Variants in IKZF5 observed in about 807,000 individuals in gnomAD.
The protein encoded by IKZF5 is zinc finger protein Pegasus.
IKZF5 carries 4 observed loss-of-function variants against 30.7 expected under a neutral mutation model. The observed-to-expected ratio is 0.13, with a 90% confidence interval of 0.06 to 0.30. The LOEUF is 0.30. Ranked by LOEUF, IKZF5 falls within the 10% of genes least tolerant of loss-of-function variation. The pLI is 1.00. For missense variants in IKZF5, 348 were observed against 525.5 expected, an observed-to-expected ratio of 0.66 and a Z score of 3.30; for synonymous variants, 148 against 179.6, an observed-to-expected ratio of 0.82 and a Z score of 1.41.
rs908881621 is a variant in IKZF5 at position 122,991,061 on chromosome 10, A to T, written c.*2719T>A. On this transcript the variant is annotated 3_prime_UTR_variant, in exon 5 of 5. Transcript: ENST00000368886. ...ATGAAAACGTCTTTAGCAGGGAATT[A>T]AAAAAAAATTAACATTCATTTGATA... 1.3e-5 allele frequency: 2 copies of T among 151,312 alleles called. No homozygotes were observed. Among genetic ancestry groups the T allele is most frequent in the East Asian group, 1.9e-4 (1 of 5,184 alleles). 9.4% of individuals were successfully genotyped at this position (151,312 alleles called of 1,614,324 possible). A position where few individuals can be genotyped will look rare whatever the true frequency, so the allele number is the denominator to read the frequency against.
chr10:122,994,782 T>C lies in IKZF5; in HGVS notation c.317-59A>G. The C allele has an allele frequency of 7.2e-7, 1 of 1,382,436 alleles. No homozygotes were observed. Among genetic ancestry groups the C allele is most frequent in the Non-Finnish European group, 9.9e-7 (1 of 1,013,434 alleles). The allele number at this position is 1,382,436 out of a possible 1,614,324, so 85.6% of individuals were successfully genotyped here. ...AGAGTAGTTCATTTATGGAAAGTTT[T>C]GCTTGTCCATTCATTGGACAACTGG... is the stretch of plus-strand genomic sequence containing the variant. On this transcript the variant is annotated intron_variant, in intron 4 of 4. Transcript: ENST00000368886. The surrounding 1 kb of genome is among the most constrained non-coding windows in gnomAD (Gnocchi z 5.6).
At chr10:122,995,866 A>G in intron 4 of IKZF5, 128 bp downstream of exon 4, 2 of 848,996 alleles carry the variant, frequency 2.4e-6, no homozygotes, top group Non-Finnish European at 3.6e-6. Context: ...TAACTTTCCC[A>G]TTTATTCGAA....
chr10:122,999,508 C>T (rs1849507469), intron 2 of IKZF5, among the ~76,000 whole-genome samples: 3 of 152,160 alleles, frequency 2.0e-5, no homozygotes, highest in Admixed American at 6.5e-5. Context: ...AACTGTGTCA[C>T]GGTAAGAAGC....
chr10:122,991,457 A>G lies in IKZF5; in HGVS notation c.*2323T>C, dbSNP rs561659510. On this transcript the variant is annotated 3_prime_UTR_variant, in exon 5 of 5. Coordinates refer to ENST00000368886, the MANE Select transcript of IKZF5 (RefSeq NM_001372123.1). Reference sequence around the variant, plus strand: ...AACGGCAAAGTACTATAAATAGTGCATGTTAAACTCTTCCCAACAACTCAT... The same window carrying G: ...AACGGCAAAGTACTATAAATAGTGCGTGTTAAACTCTTCCCAACAACTCAT... 2 of 152,358 alleles carry G rather than the reference A, an allele frequency of 1.3e-5. No individual in the cohort carries two copies. Among genetic ancestry groups the G allele is most frequent in the South Asian group, 2.1e-4 (1 of 4,834 alleles). The allele number at this position is 152,358 out of a possible 1,614,324, so 9.4% of individuals were successfully genotyped here. A position where few individuals can be genotyped will look rare whatever the true frequency, so the allele number is the denominator to read the frequency against.
intron 1 of IKZF5, among the ~76,000 whole-genome samples, chr10:123,008,348 G>C (rs928950787): frequency 6.6e-6 from 1 of 152,110 alleles, no homozygotes. Flanking sequence ...CTGGGACCCC[G>C]TGAAGACGCA....
intron 1 of IKZF5, 45 bp downstream of exon 1, chr10:123,008,649 G>C: frequency 2.6e-6 from 1 of 378,926 alleles, no homozygotes; most frequent in South Asian, 2.3e-5. Context: ...TATCCGCCCT[G>C]TCCTGCCGCG....
At chr10:122,996,400 T>C (rs910302084) in intron 3 of IKZF5, among the ~76,000 whole-genome samples, 2 of 152,044 alleles carry the variant, frequency 1.3e-5, no homozygotes, top group Non-Finnish European at 2.9e-5. Flanking sequence ...TCTCAAATTA[T>C]TTACACAAGG....
chr10:122,991,603 T>A lies in IKZF5; in HGVS notation c.*2177A>T, dbSNP rs1241396865. Reference sequence around the variant, plus strand: ...AAATTTAAATAAAATCTAAATATTTTAAAAAATACCATACCAAAAAAGCCT... The same window carrying A: ...AAATTTAAATAAAATCTAAATATTTAAAAAAATACCATACCAAAAAAGCCT... On this transcript the variant is annotated 3_prime_UTR_variant, in exon 5 of 5. Transcript: ENST00000368886. The A allele has an allele frequency of 3.9e-5, 6 of 152,288 alleles. No individual in the cohort carries two copies. In the East Asian group the frequency reaches 5.8e-4, roughly 15 times the overall value. The allele number at this position is 152,288 out of a possible 1,614,324, so 9.4% of individuals were successfully genotyped here.
At chr10:123,003,022 A>G (rs1343235588) in intron 2 of IKZF5, among the ~76,000 whole-genome samples, 4 of 150,246 alleles carry the variant, frequency 2.7e-5, no homozygotes, top group Non-Finnish European at 5.9e-5. Context: ...ACACGTACAG[A>G]CTTTTTCTTT....
At chr10:123,005,462 T>C (rs1289164686) in intron 2 of IKZF5, among the ~76,000 whole-genome samples, 1 of 152,240 alleles carries the variant, frequency 6.6e-6, no homozygotes, top group African/African-American at 2.4e-5. Flanking sequence ...AAAATTTCAA[T>C]GTATGATATC....
intron 2 of IKZF5, among the ~76,000 whole-genome samples, chr10:123,006,820 T>C (rs1238920785): frequency 1.3e-5 from 2 of 152,168 alleles, no homozygotes; most frequent in East Asian, 1.9e-4. Flanking sequence ...ACAGACAACG[T>C]TGACAAATAA....
chr10:123,000,968 G>A (rs1849559363), intron 2 of IKZF5, among the ~76,000 whole-genome samples: 1 of 64,622 alleles, frequency 1.5e-5, no homozygotes, highest in South Asian at 4.2e-4. Flanking sequence ...TGCATCTTAA[G>A]TATCTCCCAC....
chr10:122,998,791 T>C (rs1045924299), intron 2 of IKZF5, 120 bp from the exon 3 acceptor site: 6 of 434,364 alleles, frequency 1.4e-5, no homozygotes, highest in African/African-American at 1.2e-4. Context: ...TTCAGCATCT[T>C]ATAATCTTAC....
chr10:122,994,031 G>A lies in IKZF5; in HGVS notation c.1009C>T (p.His337Tyr). ...TTTCCTATGCTGGGAGTGCTCGTGT[G>A]GGCACTTGGCTCACTGCTTGGACCT... is the stretch of plus-strand genomic sequence containing the variant. ...VAGPSSEPSA[H>Y]TSTPSIGNSQ... The change falls in exon 5 of 5, where the codon CAC becomes TAC. Residue 337 changes from histidine to tyrosine, a missense_variant. Transcript: ENST00000368886. The surrounding 1 kb of genome is among the most constrained non-coding windows in gnomAD (Gnocchi z 5.6). 2.5e-6 allele frequency: 4 copies of A among 1,614,114 alleles called. No homozygotes were observed. Among genetic ancestry groups the A allele is most frequent in the Non-Finnish European group, 2.5e-6 (3 of 1,180,022 alleles).
chr10:123,003,974 G>GT lies in IKZF5; in HGVS notation c.-47+3051dup, dbSNP rs539624032. On this transcript the variant is annotated intron_variant, in intron 2 of 4. Coordinates refer to ENST00000368886, the MANE Select transcript of IKZF5 (RefSeq NM_001372123.1). ...GCTTTTGAACACATTTGTTTCCGTT[G>GT]TTTTTTTCCCCATCTTATCATGTTT... 1.9e-3 allele frequency among the ~76,000 whole-genome samples: 295 copies of GT among 152,056 alleles called. 2 individuals carry two copies. Among genetic ancestry groups the GT allele is most frequent in the African/African-American group, 6.9e-3 (286 of 41,484 alleles).
In IKZF5 at chr10:123,008,455, G is replaced by A. The variant is rs533113823; in HGVS notation, c.-198+239C>T. The stretch of plus-strand genomic sequence containing the variant: ...TCCTGCTCGAAGGCAATGACAGCAG[G>A]AGACCCCGCTCCCTCGGGGTTCTCG... On this transcript the variant is annotated intron_variant, in intron 1 of 4. Transcript: ENST00000368886. 19 of 160,434 alleles carry A rather than the reference G, an allele frequency of 1.2e-4. 1 individual carries two copies. The South Asian group carries it at 2.6e-3, about 22-fold the overall frequency. The allele number at this position is 160,434 out of a possible 1,614,324, so 9.9% of individuals were successfully genotyped here.
chr10:122,999,076 C>G (rs1849492496), intron 2 of IKZF5, among the ~76,000 whole-genome samples: 1 of 152,098 alleles, frequency 6.6e-6, no homozygotes, highest in Non-Finnish European at 1.5e-5. Flanking sequence ...TGCTGATGGT[C>G]CCAGCTACTC....
chr10:122,993,891 C>T lies in IKZF5; in HGVS notation c.1149G>A (p.Met383Ile), dbSNP rs772183136. Residue 383 changes from methionine (M) to isoleucine (I), a missense_variant, in exon 5 of 5, where the codon ATG (methionine) becomes ATA (isoleucine). By Grantham distance (10) the Met-to-Ile change is conservative. Around this residue, in one of 4 missense-constraint regions of IKZF5, gnomAD observed 56 missense variants for 104.7 expected, o/e 0.53. Transcript: ENST00000368886. ...AAGGATTTTCATACCCATGACATCC[C>T]ATATGAATAGTGTAAAGGATGTTGT... ...FADNILYTIH[M>I]GCHGYENPFQ... The T allele has an allele frequency of 6.2e-7, 1 of 1,613,842 alleles. No individual in the cohort carries two copies. The highest frequency in any genetic ancestry group is 8.5e-7 in the Non-Finnish European group (1 of 1,179,734).
chr10:123,005,957 T>A (rs1198527927), intron 2 of IKZF5, among the ~76,000 whole-genome samples: 1 of 152,232 alleles, frequency 6.6e-6, no homozygotes, highest in Non-Finnish European at 1.5e-5. Flanking sequence ...ATGATGATTG[T>A]TCCTTATGAT....
Sources: allele counts gnomAD v4.1 joint callset (sites outside exome capture counted in the v4.1 genomes callset), GRCh38; gene constraint gnomAD v4.1.1; regional missense constraint gnomAD v4.1.1; non-coding constraint Gnocchi (gnomAD v3.1); transcripts MANE v1.5; gene names NCBI Gene and HGNC (gene_info 2026-07-23, HGNC 2026-07-21).